Variants in NSMCE4A observed in about 807,000 individuals in gnomAD.
NSMCE4A encodes the protein NSE4A component of SMC5/6 complex, also known as non-structural maintenance of chromosomes element 4 homolog A.
NSMCE4A carries 40 observed loss-of-function variants against 47.9 expected under a neutral mutation model. That is an observed-to-expected ratio of 0.83 (90% CI 0.65 to 1.09). NSMCE4A has a LOEUF of 1.09. Ranked by LOEUF, NSMCE4A falls within the 50% of genes least tolerant of loss-of-function variation. The pLI is 0.00. For synonymous variants in NSMCE4A, 166 were observed against 178.5 expected (o/e 0.93, Z 0.56); for missense variants, 500 against 507.0 (o/e 0.99, Z 0.13).
intron 10 of NSMCE4A, among the ~76,000 whole-genome samples, 182 bp from the exon 11 acceptor site, chr10:121,957,441 T>C (rs1049618904): frequency 7.4e-6 from 1 of 135,762 alleles, no homozygotes; most frequent in Admixed American, 7.4e-5. Flanking sequence ...TTTTTTTTTT[T>C]TTTTTTTTTG....
At chr10:121,958,151 C>T (rs747405231) in intron 10 of NSMCE4A, among the ~76,000 whole-genome samples, 2 of 152,136 alleles carry the variant, frequency 1.3e-5, no homozygotes, top group Admixed American at 6.5e-5. Context: ...TTGCTTGAAC[C>T]GGGGAGGCAG....
At chr10:121,965,922 C>G (rs1270353510) in intron 4 of NSMCE4A, 3 of 152,330 alleles carry the variant, frequency 2.0e-5, no homozygotes, top group Non-Finnish European at 2.9e-5. Flanking sequence ...AAGTCTGCAT[C>G]ATGTAGAGAT....
intron 5 of NSMCE4A, among the ~76,000 whole-genome samples, chr10:121,964,382 T>G (rs1385959139): frequency 6.6e-6 from 1 of 151,778 alleles, no homozygotes; most frequent in African/African-American, 2.4e-5. Flanking sequence ...TGACCTCAGG[T>G]GGATCTGCCC....
chr10:121,965,071 C>T (rs535388001), intron 5 of NSMCE4A, among the ~76,000 whole-genome samples: 3 of 152,166 alleles, frequency 2.0e-5, no homozygotes, highest in African/African-American at 4.8e-5. Flanking sequence ...ACCCTGGCTT[C>T]GGAGAACTGA....
At chr10:121,974,668 G>A (rs1952782853) in intron 1 of NSMCE4A, 1 of 1,096,552 alleles carries the variant, frequency 9.1e-7, no homozygotes, top group Non-Finnish European at 1.1e-6. Context: ...GGGGACCCGC[G>A]CCAAGGTCGT....
intron 7 of NSMCE4A, 69 bp downstream of exon 7, chr10:121,961,354 C>T: frequency 9.1e-7 from 1 of 1,097,788 alleles, no homozygotes; most frequent in South Asian, 1.5e-5. Context: ...CAGCTCCCTT[C>T]TACAGCTTTT....
At chr10:121,957,419 C>T (rs1564988149) in intron 10 of NSMCE4A, among the ~76,000 whole-genome samples, 160 bp from the exon 11 acceptor site, 1 of 126,038 alleles carries the variant, frequency 7.9e-6, no homozygotes, top group East Asian at 2.7e-4. Flanking sequence ...TTATTCCCTT[C>T]TTCTTTTTTC....
chr10:121,963,904 C>A (rs1446697009), intron 5 of NSMCE4A, among the ~76,000 whole-genome samples: 1 of 150,940 alleles, frequency 6.6e-6, no homozygotes, highest in African/African-American at 2.4e-5. Flanking sequence ...CGAGACCAGC[C>A]TGGCCATTAT....
intron 5 of NSMCE4A, among the ~76,000 whole-genome samples, chr10:121,964,249 TCTC>T (rs1439995996): frequency 1.3e-5 from 2 of 149,132 alleles, no homozygotes; most frequent in African/African-American, 2.5e-5. Flanking sequence ...TTCAAGCAAT[TCTC>T]CTACCTCAGC....
intron 8 of NSMCE4A, 154 bp from the exon 9 acceptor site, chr10:121,959,749 G>C: frequency 1.6e-6 from 1 of 613,480 alleles, no homozygotes; most frequent in Non-Finnish European, 2.9e-6. Flanking sequence ...TTATGGAGCT[G>C]CTGTAGTATT....
intron 2 of NSMCE4A, 115 bp from the exon 3 acceptor site, chr10:121,971,184 A>AAATCTC: frequency 1.9e-6 from 2 of 1,037,556 alleles, no homozygotes; most frequent in Non-Finnish European, 2.7e-6. Context: ...AAAAAAAAAA[A>AAATCTC]ATCTCAATAG....
chr10:121,970,350 T>A (rs543268070), intron 3 of NSMCE4A, among the ~76,000 whole-genome samples: 2 of 151,758 alleles, frequency 1.3e-5, no homozygotes, highest in Non-Finnish European at 1.5e-5. Flanking sequence ...CAGGCGCCTG[T>A]AGTCCCAGCT....
intron 2 of NSMCE4A, among the ~76,000 whole-genome samples, chr10:121,972,096 G>T (rs144101431): frequency 1.3e-5 from 2 of 152,210 alleles, no homozygotes; most frequent in African/African-American, 4.8e-5. Flanking sequence ...CGAGGCAGGC[G>T]GATCACTTTG....
chr10:121,961,401 G>GAA (rs1159144064), intron 7 of NSMCE4A, 22 bp downstream of exon 7: 2 of 1,501,350 alleles, frequency 1.3e-6, no homozygotes, highest in African/African-American at 2.9e-5. Context: ...AAAGCAATTA[G>GAA]AAAAATAATC....
chr10:121,965,331 T>A lies in NSMCE4A; in HGVS notation c.708A>T (p.Pro236=). The change falls in exon 5 of 11, where the codon CCA becomes CCT. Residue 236 remains proline, a synonymous_variant. Coordinates refer to ENST00000369023, the MANE Select transcript of NSMCE4A (RefSeq NM_017615.3). The stretch of plus-strand genomic sequence containing the variant: ...CCTCTTGTATCACAGGAACTTTTCT[T>A]GGACGATCAACTCGTGGCTTTGGCA... The part of the protein sequence containing the change: ...CPVPKPRVDR[P]RKVPVIQEER... The A allele has an allele frequency of 4.3e-6, 7 of 1,614,128 alleles. No homozygotes were observed. The highest frequency in any genetic ancestry group is 5.1e-6 in the Non-Finnish European group (6 of 1,179,976).
At chr10:121,962,383 C>T (rs1590778300) in intron 6 of NSMCE4A, among the ~76,000 whole-genome samples, 2 of 149,818 alleles carry the variant, frequency 1.3e-5, no homozygotes, top group East Asian at 4.0e-4. Flanking sequence ...CGCGCCACTG[C>T]ACTCCAGCCT....
intron 2 of NSMCE4A, among the ~76,000 whole-genome samples, chr10:121,972,482 T>C (rs987552600): frequency 6.6e-6 from 1 of 152,116 alleles, no homozygotes; most frequent in Non-Finnish European, 1.5e-5. Flanking sequence ...TTTTACAAAC[T>C]GAGACCATCA....
Position 121,961,544 on chromosome 10 carries a change from T to C in NSMCE4A, c.845-27A>G, listed in dbSNP as rs776056639. On this transcript the variant is annotated intron_variant, in intron 6 of 10. Coordinates refer to ENST00000369023, the MANE Select transcript of NSMCE4A (RefSeq NM_017615.3). Reference sequence around the variant, plus strand: ...TATAGACAAAAAGAGAAAAAAAAATTGATTTTTGCTTGTCATTAATATCAG... The same window carrying C: ...TATAGACAAAAAGAGAAAAAAAAATCGATTTTTGCTTGTCATTAATATCAG... 4 of 1,442,208 alleles carry C rather than the reference T, an allele frequency of 2.8e-6. No individual in the cohort carries two copies. The African/African-American group carries it at 4.4e-5, about 16-fold the overall frequency. 89.3% of individuals were successfully genotyped at this position (1,442,208 alleles called of 1,614,324 possible).
intron 6 of NSMCE4A, among the ~76,000 whole-genome samples, chr10:121,962,951 A>G (rs1952529078): frequency 6.6e-6 from 1 of 152,220 alleles, no homozygotes; most frequent in Non-Finnish European, 1.5e-5. Context: ...GAAAATATAC[A>G]CATTACATTT....
Sources: gnomAD v4.1 joint callset for allele counts (sites outside exome capture counted in the v4.1 genomes callset) on GRCh38, gnomAD v4.1.1 for gene constraint, MANE v1.5 for transcripts, NCBI Gene and HGNC (gene_info 2026-07-23, HGNC 2026-07-21) for gene names.